Variants in TNK1 observed in about 807,000 individuals in gnomAD.
The protein encoded by TNK1 is non-receptor tyrosine-protein kinase TNK1.
In TNK1, 53 loss-of-function variants were observed where a neutral mutation model predicts 65.2. That is an observed-to-expected ratio of 0.81 (90% confidence interval 0.65 to 1.02). The LOEUF is 1.02. TNK1 is among the 50% of genes least tolerant of loss of function. TNK1 has a pLI of 0.00. For synonymous variants in TNK1, 353 were observed against 364.6 expected, an observed-to-expected ratio of 0.97 and a Z score of 0.36; for missense variants, 837 against 878.4, an observed-to-expected ratio of 0.95 and a Z score of 0.60.
chr17:7,387,707 C>T (rs1302974040), intron 10 of TNK1, among the ~76,000 whole-genome samples: 1 of 151,512 alleles, frequency 6.6e-6, no homozygotes, highest in Non-Finnish European at 1.5e-5. Context: ...CGGGTTCAAG[C>T]GATTCTCCTG....
At position 7,384,741 on chromosome 17, in the gene TNK1, G is replaced by T; in HGVS notation, c.1124G>T (p.Gly375Val). Residue 375 changes from glycine to valine, a missense_variant, in exon 7 of 13, where the codon GGG becomes GTG. Physicochemically the swap from Gly to Val is moderately radical, Grantham distance 109. Transcript: ENST00000688331. ...CGGCCTAGCTTTTCCCACCTGGAGG[G>T]GCTGCTGCAAGAGGTGGGAACCCCC... is the stretch of plus-strand genomic sequence containing the variant. ...ADRPSFSHLEGLLQEAGPSEA... is the reference protein window; with the variant it reads ...ADRPSFSHLEVLLQEAGPSEA... The T allele has an allele frequency of 6.3e-7, 1 of 1,578,544 alleles. No homozygotes were observed. Among genetic ancestry groups the T allele is most frequent in the Non-Finnish European group, 8.6e-7 (1 of 1,167,980 alleles).
At position 7,384,139 on chromosome 17, in the gene TNK1, T is replaced by G. The variant is rs1253163398; in HGVS notation, c.752T>G (p.Leu251Arg). Residue 251 changes from leucine (L) to arginine (R), a missense_variant, in exon 6 of 13, where the codon CTA becomes CGA. Transcript: ENST00000688331. ...LVHRDLATRNLLLASPRTIKV... is the reference protein window; with the variant it reads ...LVHRDLATRNRLLASPRTIKV... ...CACCGAGACCTCGCTACGCGCAACCTACTGCTGGCGTCGCCGCGCACCATC... is the reference window on the plus strand; with the variant it reads ...CACCGAGACCTCGCTACGCGCAACCGACTGCTGGCGTCGCCGCGCACCATC... The G allele has an allele frequency of 1.3e-6, 2 of 1,546,220 alleles. No individual in the cohort carries two copies. Among genetic ancestry groups the G allele is most frequent in the South Asian group, 2.4e-5 (2 of 84,674 alleles).
Position 7,389,133 on chromosome 17 carries a change from G to A in TNK1, c.*49G>A. Reference sequence around the variant, plus strand: ...ACCAGCATGAAAAGCCTAGGCCCCTGAGGGCCTGGCCACATGGGACCAAGC... The same window carrying A: ...ACCAGCATGAAAAGCCTAGGCCCCTAAGGGCCTGGCCACATGGGACCAAGC... On this transcript the variant is annotated 3_prime_UTR_variant, in exon 13 of 13. Transcript: ENST00000688331. The A allele has an allele frequency of 6.9e-7, 1 of 1,457,560 alleles. No homozygotes were observed. The highest frequency in any genetic ancestry group is 9.4e-7 in the Non-Finnish European group (1 of 1,064,612). The allele number at this position is 1,457,560 out of a possible 1,614,324, so 90.3% of individuals were successfully genotyped here. A position where few individuals can be genotyped will look rare whatever the true frequency, so the allele number is the denominator to read the frequency against.
Position 7,387,100 on chromosome 17 carries a change from C to G in TNK1, c.1343C>G (p.Pro448Arg). Residue 448 changes from proline to arginine, a missense_variant, in exon 9 of 13, where the codon CCA (proline) becomes CGA (arginine). Transcript: ENST00000688331. ...ADAGGLPATR[P>R]VHRGTPARGD... ...GCGGGGGGCTTGCCAGCCACCCGTC[C>G]AGTCCACAGAGGCACCCCTGCCCGG... 1.2e-6 allele frequency: 2 copies of G among 1,612,336 alleles called. No individual in the cohort carries two copies. Among genetic ancestry groups the G allele is most frequent in the Non-Finnish European group, 8.5e-7 (1 of 1,179,092 alleles).
At position 7,387,362 on chromosome 17, in the gene TNK1, G is replaced by C; in HGVS notation, c.1398-16G>C. 6.3e-7 allele frequency: 1 copy of C among 1,594,738 alleles called. No homozygotes were observed. The highest frequency in any genetic ancestry group is 8.5e-7 in the Non-Finnish European group (1 of 1,171,028). On this transcript the variant is annotated splice_polypyrimidine_tract_variant and intron_variant, in intron 9 of 12. Transcript: ENST00000688331. ...GAGAGTTGGTGTGGAGGATGAACTG[G>C]ATCCCTCTCCGACAGAGACAGAAAG...
In TNK1 at chr17:7,383,589, G is replaced by A. The variant is rs1904968436; in HGVS notation, c.399G>A (p.Gly133=). The A allele has an allele frequency of 1.2e-6, 2 of 1,605,838 alleles. No homozygotes were observed. Among genetic ancestry groups the A allele is most frequent in the South Asian group, 2.2e-5 (2 of 90,070 alleles). The part of the protein sequence containing the change: ...GSGCFGVVHR[G]LWTLPSGKSV... Reference sequence around the variant, plus strand: ...GCTGCTTCGGTGTGGTGCACCGAGGGCTGTGGACGCTGCCCAGTGGCAAGA... The same window carrying A: ...GCTGCTTCGGTGTGGTGCACCGAGGACTGTGGACGCTGCCCAGTGGCAAGA... Residue 133 remains glycine, a synonymous_variant, in exon 4 of 13, where the codon GGG becomes GGA. Transcript: ENST00000688331.
Position 7,384,246 on chromosome 17 carries a change from T to C in TNK1, c.859T>C (p.Tyr287His), listed in dbSNP as rs1905041836. ...CATGGGCGGGCCCCGCCCTATCCCC[T>C]ACGCCTGGTGAGAGCGGGTCCGCGG... ...YVMGGPRPIP[Y>H]AWCAPESLRH... Residue 287 changes from tyrosine to histidine, a missense_variant, in exon 6 of 13, where the codon TAC becomes CAC. By Grantham distance (83) the Tyr-to-His change is moderately conservative. Transcript: ENST00000688331. 2.0e-6 allele frequency: 3 copies of C among 1,477,708 alleles called. No individual in the cohort carries two copies. The African/African-American group carries it at 4.3e-5, about 21-fold the overall frequency. 91.5% of individuals were successfully genotyped at this position (1,477,708 alleles called of 1,614,324 possible).
Position 7,386,649 on chromosome 17 carries a change from A to C in TNK1, c.1226A>C (p.Glu409Ala). Reference protein sequence around the residue: ...METGDPITVIEGSPDSTIWKG... With the variant: ...METGDPITVIAGSPDSTIWKG... ...ACTGGTGACCCCATCACAGTCATCG[A>C]GGGCAGGTGACAGTCCCATACCTCC... is the stretch of plus-strand genomic sequence containing the variant. The change falls in exon 8 of 13, where the codon GAG becomes GCG. Residue 409 changes from glutamate (E) to alanine (A), a missense_variant. By Grantham distance (107) the Glu-to-Ala change is moderately radical. Coordinates refer to ENST00000688331, the MANE Select transcript of TNK1 (RefSeq NM_003985.6). 5.7e-6 allele frequency: 9 copies of C among 1,585,916 alleles called. No homozygotes were observed. The highest frequency in any genetic ancestry group is 7.7e-6 in the Non-Finnish European group (9 of 1,165,946).
At chr17:7,387,563 G>A in intron 10 of TNK1, 106 bp downstream of exon 10, 1 of 929,142 alleles carries the variant, frequency 1.1e-6, no homozygotes, top group Non-Finnish European at 1.6e-6. Flanking sequence ...TCCTTCCTCT[G>A]AATTCTGTCT....
Position 7,388,726 on chromosome 17 carries a change from C to G in TNK1, c.1776+22C>G. ...GGAGGTGAGGTCTCACTGAAATGGC[C>G]TGGTGTCCAGAAGGGGCTACAGGCA... On this transcript the variant is annotated intron_variant, in intron 11 of 12. Transcript: ENST00000688331. This position sits in a 1 kb window ranked among gnomAD's most constrained non-coding sequence, Gnocchi z 4.5. 1 of 1,608,786 alleles carries G rather than the reference C, an allele frequency of 6.2e-7. No homozygotes were observed. Among genetic ancestry groups the G allele is most frequent in the South Asian group, 1.1e-5 (1 of 90,372 alleles).
At position 7,383,471 on chromosome 17, in the gene TNK1, C is replaced by T. The variant is rs115923812; in HGVS notation, c.281C>T (p.Ser94Leu). 12 of 1,613,938 alleles carry T rather than the reference C, an allele frequency of 7.4e-6. No homozygotes were observed. The highest frequency in any genetic ancestry group is 2.2e-5 in the East Asian group (1 of 44,886). The change falls in exon 4 of 13, where the codon TCG (serine) becomes TTG (leucine). Residue 94 changes from serine (S) to leucine (L), a missense_variant. Transcript: ENST00000688331. ...GAGCACAAGGAGCCCACCCTGCCCT[C>T]GGACAGCCCACGGCACCTCCCTGAG... The part of the protein sequence containing the change: ...APEHKEPTLP[S>L]DSPRHLPEPE...
Position 7,384,158 on chromosome 17 carries a change from C to G in TNK1, c.771C>G (p.Arg257=). Residue 257 remains arginine, a synonymous_variant, in exon 6 of 13, where the codon CGC becomes CGG. Transcript: ENST00000688331. ...GCAACCTACTGCTGGCGTCGCCGCG[C>G]ACCATCAAGGTGGCTGACTTCGGGC... The part of the protein sequence containing the change: ...ATRNLLLASP[R]TIKVADFGLV... 6.5e-7 allele frequency: 1 copy of G among 1,540,528 alleles called. No individual in the cohort carries two copies. Among genetic ancestry groups the G allele is most frequent in the Non-Finnish European group, 8.7e-7 (1 of 1,150,294 alleles).
At position 7,386,548 on chromosome 17, in the gene TNK1, CTT is replaced by C. The variant is rs1047114609; in HGVS notation, c.1138-12_1138-11del. 6.9e-6 allele frequency: 11 copies of C among 1,590,188 alleles called. No homozygotes were observed. The highest frequency in any genetic ancestry group is 9.4e-6 in the Non-Finnish European group (11 of 1,167,948). On this transcript the variant is annotated splice_polypyrimidine_tract_variant and intron_variant, in intron 7 of 12. Transcript: ENST00000688331. The stretch of plus-strand genomic sequence containing the variant: ...GCCACAAGCCCAGCCACCCTTTCCT[CTT>C]GTCTCCACAGGCCGGGCCTTCGGAA...
intron 8 of TNK1, 93 bp downstream of exon 8, chr17:7,386,748 A>C (rs1165180111): frequency 8.2e-6 from 10 of 1,219,976 alleles, no homozygotes; most frequent in Admixed American, 2.0e-5. Context: ...CAGCTCCTTG[A>C]ACCCTGATCT....
In TNK1 at chr17:7,388,111, A is replaced by G; in HGVS notation, c.1478-295A>G. Among the ~76,000 whole-genome samples, 1 of 152,108 alleles carries G rather than the reference A, an allele frequency of 6.6e-6. No individual in the cohort carries two copies. On this transcript the variant is annotated intron_variant, in intron 10 of 12. Transcript: ENST00000688331. This position sits in a 1 kb window ranked among gnomAD's most constrained non-coding sequence, Gnocchi z 4.5. ...CTCATCTGCAAATGCTTGCAAAACCATCCAGCTCAGCACAGATGAAGACAG... is the reference window on the plus strand; with the variant it reads ...CTCATCTGCAAATGCTTGCAAAACCGTCCAGCTCAGCACAGATGAAGACAG...
Position 7,388,453 on chromosome 17 carries a change from A to G in TNK1, c.1525A>G (p.Thr509Ala). Residue 509 changes from threonine (T) to alanine (A), a missense_variant, in exon 11 of 13, where the codon ACA becomes GCA. By Grantham distance (58) the Thr-to-Ala change is moderately conservative. Transcript: ENST00000688331. This position sits in a 1 kb window ranked among gnomAD's most constrained non-coding sequence, Gnocchi z 4.5. ...ESVLSLGPRP[T>A]GGGSSPPEIR... is the part of the protein sequence containing the mutation. The stretch of plus-strand genomic sequence containing the variant: ...AGTTCTGTCCCTCGGTCCTCGTCCC[A>G]CAGGGGGTGGTTCAAGCCCCCCTGA... 3 of 1,613,706 alleles carry G rather than the reference A, an allele frequency of 1.9e-6. No homozygotes were observed. Among genetic ancestry groups the G allele is most frequent in the Non-Finnish European group, 2.5e-6 (3 of 1,179,774 alleles).
Position 7,388,246 on chromosome 17 carries a change from C to T in TNK1, c.1478-160C>T, listed in dbSNP as rs777691064. Among the ~76,000 whole-genome samples the T allele has an allele frequency of 1.9e-4, 29 of 152,096 alleles. No individual in the cohort carries two copies. The highest frequency in any genetic ancestry group is 6.0e-4 in the African/African-American group (25 of 41,414). On this transcript the variant is annotated intron_variant, in intron 10 of 12. Transcript: ENST00000688331. The surrounding 1 kb of genome is among the most constrained non-coding windows in gnomAD (Gnocchi z 4.5). ...TTTGAGACCAGCCTGGGCAATGTGC[C>T]GAAACCCCTTCTCTACAAAAATACA...
At position 7,384,516 on chromosome 17, in the gene TNK1, T is replaced by A; in HGVS notation, c.899T>A (p.Phe300Tyr). The change falls in exon 7 of 13, where the codon TTC becomes TAC. Residue 300 changes from phenylalanine (F) to tyrosine (Y), a missense_variant. Transcript: ENST00000688331. ...CCAGAGAGCCTGCGCCACGGAGCCT[T>A]CTCGTCTGCCTCGGACGTGTGGATG... Reference protein sequence around the residue: ...CAPESLRHGAFSSASDVWMFG... With the variant: ...CAPESLRHGAYSSASDVWMFG... The A allele has an allele frequency of 2.5e-6, 4 of 1,589,948 alleles. No homozygotes were observed. In the Admixed American group the frequency reaches 5.1e-5, roughly 20 times the overall value.
rs995023204 is a variant in TNK1, at chr17:7,382,123, G to A, written c.-91-713G>A. ...TCTACTAAAAATACAAAAAATAGCC[G>A]GGCATGGTGGCACGCGCCTGTAGTC... On this transcript the variant is annotated intron_variant, in intron 1 of 12. Transcript: ENST00000688331. This position sits in a 1 kb window ranked among gnomAD's most constrained non-coding sequence, Gnocchi z 4.1. Among the ~76,000 whole-genome samples, 10 of 152,244 alleles carry A rather than the reference G, an allele frequency of 6.6e-5. No homozygotes were observed. Among genetic ancestry groups the A allele is most frequent in the African/African-American group, 2.4e-4 (10 of 41,558 alleles).
Sources: allele counts gnomAD v4.1 joint callset (sites outside exome capture counted in the v4.1 genomes callset), GRCh38; gene constraint gnomAD v4.1.1; non-coding constraint Gnocchi (gnomAD v3.1); transcripts MANE v1.5; gene names NCBI Gene and HGNC (gene_info 2026-07-23, HGNC 2026-07-21).